MIB1: variants seen among roughly 807,000 people sequenced by gnomAD.
MIB1 encodes the protein MIB E3 ubiquitin protein ligase 1.
Under a neutral mutation model 124.5 loss-of-function variants are expected in MIB1, and 278 were observed. The observed-to-expected ratio is 2.23, with a 90% CI of 2.02 to 2.47. The LOEUF is 2.47. Among genes scored for constraint, MIB1 ranks in the 30% most tolerant of loss-of-function variants. The probability of loss-of-function intolerance (pLI) is 0.00; values close to 1 mark genes in which losing one functional copy is unlikely to be tolerated. For missense variants in MIB1, 957 were observed against 1,254.4 expected (o/e 0.76, Z 3.58); for synonymous variants, 446 against 429.4 (o/e 1.04, Z -0.48).
At chr18:21,840,661 A>ATTTT (rs2042079368) in intron 13 of MIB1, among the ~76,000 whole-genome samples, 1 of 1,916 alleles carries the variant, frequency 5.2e-4, no homozygotes, top group Admixed American at 8.2e-3. Context: ...ATATATATAT[A>ATTTT]TATATTTTTT....
chr18:21,864,094 G>A (rs1055258475), intron 20 of MIB1, among the ~76,000 whole-genome samples: 8 of 152,106 alleles, frequency 5.3e-5, no homozygotes, highest in Non-Finnish European at 1.0e-4. Flanking sequence ...AGGCTTTTCA[G>A]CTCAAAGGTT....
chr18:21,726,981 A>G (rs1168416021), intron 1 of MIB1, among the ~76,000 whole-genome samples: 1 of 152,122 alleles, frequency 6.6e-6, no homozygotes, highest in Non-Finnish European at 1.5e-5. Flanking sequence ...GCTCTCAAGG[A>G]TGAACACTTT....
chr18:21,845,131 C>T (rs1287473842), intron 15 of MIB1, among the ~76,000 whole-genome samples: 2 of 152,128 alleles, frequency 1.3e-5, no homozygotes, highest in Non-Finnish European at 2.9e-5. Flanking sequence ...CTGCCTCAGC[C>T]TCCCAAGTAG....
At chr18:21,814,500 T>C (rs1427802166) in intron 10 of MIB1, among the ~76,000 whole-genome samples, 5 of 152,080 alleles carry the variant, frequency 3.3e-5, no homozygotes, top group Admixed American at 6.6e-5. Context: ...GGAGAATTTA[T>C]TAAGGCCAGG....
chr18:21,845,866 G>A (rs540589945), intron 15 of MIB1, among the ~76,000 whole-genome samples: 4 of 152,122 alleles, frequency 2.6e-5, no homozygotes, highest in East Asian at 3.9e-4. Flanking sequence ...CTCATGATCC[G>A]TCTGCTTCAG....
chr18:21,847,142 A>G lies in MIB1; in HGVS notation c.2393+17A>G. On this transcript the variant is annotated intron_variant, in intron 16 of 20. Coordinates refer to ENST00000261537, the MANE Select transcript of MIB1 (RefSeq NM_020774.4). ...AAAAGTCAGGTTTGTATTATTTATT[A>G]TCATAAAACTTAATATTCTGTACAG... The G allele has an allele frequency of 1.9e-6, 3 of 1,603,924 alleles. No homozygotes were observed. The highest frequency in any genetic ancestry group is 2.6e-6 in the Non-Finnish European group (3 of 1,171,932).
intron 1 of MIB1, among the ~76,000 whole-genome samples, chr18:21,720,949 G>A (rs1212877172): frequency 6.6e-6 from 1 of 151,956 alleles, no homozygotes; most frequent in Non-Finnish European, 1.5e-5. Flanking sequence ...GCAACAAAGT[G>A]AGAAGCCATT....
intron 11 of MIB1, 150 bp downstream of exon 11, chr18:21,815,963 C>A: frequency 1.4e-6 from 1 of 740,604 alleles, no homozygotes; most frequent in South Asian, 2.4e-5. Context: ...AAATTGGCAG[C>A]TATTTCTTTT....
At chr18:21,824,523 G>A (rs1364066812) in intron 12 of MIB1, among the ~76,000 whole-genome samples, 2 of 152,092 alleles carry the variant, frequency 1.3e-5, no homozygotes, top group African/African-American at 4.8e-5. Context: ...TACTTAGAGT[G>A]TGTTTTCTCT....
chr18:21,803,854 G>A (rs961298888), intron 9 of MIB1, 53 bp from the exon 10 acceptor site: 3 of 1,324,796 alleles, frequency 2.3e-6, no homozygotes, highest in African/African-American at 2.9e-5. Flanking sequence ...TGTATATATT[G>A]CCTGTTTCTG....
At chr18:21,835,886 T>C (rs935150186) in intron 12 of MIB1, among the ~76,000 whole-genome samples, 3 of 146,788 alleles carry the variant, frequency 2.0e-5, no homozygotes, top group African/African-American at 7.6e-5. Context: ...AAAGAGGTAT[T>C]TGTACTATGT....
At chr18:21,721,858 T>C (rs1349020547) in intron 1 of MIB1, among the ~76,000 whole-genome samples, 2 of 152,232 alleles carry the variant, frequency 1.3e-5, no homozygotes, top group Non-Finnish European at 2.9e-5. Context: ...CATTAATATC[T>C]TACATTACTG....
chr18:21,843,189 T>C lies in MIB1; in HGVS notation c.2021T>C (p.Val674Ala), dbSNP rs1340364559. The part of the protein sequence containing the change: ...VNQQTALHLA[V>A]ERQHTQIVRL... ...CAACAAACTGCCCTACACCTTGCTGTTGAACGACAGCATACCCAGATTGTT... is the reference window on the plus strand; with the variant it reads ...CAACAAACTGCCCTACACCTTGCTGCTGAACGACAGCATACCCAGATTGTT... The change falls in exon 14 of 21, where the codon GTT becomes GCT. Residue 674 changes from valine (V) to alanine (A), a missense_variant. By Grantham distance (64) the Val-to-Ala change is moderately conservative. Transcript: ENST00000261537. 6.2e-7 allele frequency: 1 copy of C among 1,600,136 alleles called. No individual in the cohort carries two copies. The highest frequency in any genetic ancestry group is 1.3e-5 in the African/African-American group (1 of 74,222).
Position 21,780,898 on chromosome 18 carries a change from A to G in MIB1, c.908+1213A>G, listed in dbSNP as rs116887938. ...CTTCTGGGTATATATACACCCAGCA[A>G]TGGGATTACTGGATCATATGGTAGT... On this transcript the variant is annotated intron_variant, in intron 6 of 20. Transcript: ENST00000261537. Among the ~76,000 whole-genome samples the G allele has an allele frequency of 3.7e-4, 57 of 152,260 alleles. 1 individual carries two copies. The East Asian group carries it at 0.01, about 27-fold the overall frequency.
upstream of MIB1, among the ~76,000 whole-genome samples, chr18:21,738,999 G>C (rs551530337): frequency 6.6e-6 from 1 of 152,004 alleles, no homozygotes; most frequent in East Asian, 1.9e-4. Flanking sequence ...GAATCCAGGA[G>C]CTGTTTTTTT....
intron 10 of MIB1, among the ~76,000 whole-genome samples, chr18:21,805,900 CTTTTTT>C (rs35904303): frequency 9.5e-6 from 1 of 105,128 alleles, no homozygotes. Context: ...TCTTTCTTTC[CTTTTTT>C]TTTTTTTTTT....
intron 12 of MIB1, among the ~76,000 whole-genome samples, chr18:21,824,075 A>G (rs143814388): frequency 1.5e-3 from 222 of 152,304 alleles, no homozygotes; most frequent in Non-Finnish European, 2.2e-3. Context: ...GGCAAAAACA[A>G]TCGATAGGTA....
At chr18:21,856,239 A>AAAAAAAAC (rs1203106511) in intron 18 of MIB1, among the ~76,000 whole-genome samples, 2 of 132,654 alleles carry the variant, frequency 1.5e-5, no homozygotes, top group Non-Finnish European at 1.6e-5. Flanking sequence ...TCCGTCTCAA[A>AAAAAAAAC]AAAAAAACAA....
At chr18:21,726,667 C>T (rs2040743488) in intron 1 of MIB1, among the ~76,000 whole-genome samples, 1 of 152,162 alleles carries the variant, frequency 6.6e-6, no homozygotes, top group Non-Finnish European at 1.5e-5. Flanking sequence ...AGCTACTTGA[C>T]TCCATCATAA....
Sources: allele counts gnomAD v4.1 joint callset (sites outside exome capture counted in the v4.1 genomes callset), GRCh38; gene constraint gnomAD v4.1.1; transcripts MANE v1.5; gene names NCBI Gene and HGNC (gene_info 2026-07-23, HGNC 2026-07-21).